The following CNIH3 variants were observed in gnomAD, a reference collection of about 807,000 sequenced individuals.
CNIH3 encodes the protein protein cornichon homolog 3.
In CNIH3, 14 loss-of-function variants were observed where a neutral mutation model predicts 24.1. The observed-to-expected ratio is 0.58, with a 90% CI of 0.38 to 0.91. The LOEUF (loss-of-function observed/expected upper bound fraction) is 0.91, where lower values mean the gene tolerates loss of function less well. Ranked by LOEUF, CNIH3 falls within the 40% of genes least tolerant of loss-of-function variation. The pLI, the probability that CNIH3 is intolerant of heterozygous loss-of-function variation, is 0.00. For missense variants in CNIH3, 178 were observed against 196.8 expected (o/e 0.90, Z 0.57); for synonymous variants, 68 against 73.8 (o/e 0.92, Z 0.40).
intron 1 of CNIH3, among the ~76,000 whole-genome samples, chr1:224,471,897 C>A (rs1293898023): frequency 6.6e-6 from 1 of 151,922 alleles, no homozygotes; most frequent in Non-Finnish European, 1.5e-5. Context: ...GCCTCTCATT[C>A]TTTTTTTTAT....
intron 3 of CNIH3, among the ~76,000 whole-genome samples, chr1:224,549,655 C>A (rs1349929949): frequency 6.6e-6 from 1 of 151,848 alleles, no homozygotes; most frequent in East Asian, 1.9e-4. Context: ...ATAGAAATAC[C>A]AGAGCGATGA....
intron 4 of CNIH3, among the ~76,000 whole-genome samples, chr1:224,569,585 C>A (rs1320125460): frequency 6.6e-6 from 1 of 152,102 alleles, no homozygotes; most frequent in Admixed American, 6.5e-5. Context: ...CATCTTCATT[C>A]TTGCTAGATT....
chr1:224,580,476 G>A (rs555307381), intron 4 of CNIH3, among the ~76,000 whole-genome samples: 55 of 152,280 alleles, frequency 3.6e-4, no homozygotes, highest in East Asian at 2.1e-3. Context: ...TATTTAAAGC[G>A]GAAAAGTGGG....
chr1:224,618,380 C>T (rs1262273860), intron 1 of CNIH3, among the ~76,000 whole-genome samples: 1 of 152,230 alleles, frequency 6.6e-6, no homozygotes, highest in Non-Finnish European at 1.5e-5. Flanking sequence ...TTCTTGGAGG[C>T]ATGGTTCTGG....
chr1:224,476,889 T>C (rs1159558034), intron 1 of CNIH3, among the ~76,000 whole-genome samples: 1 of 151,938 alleles, frequency 6.6e-6, no homozygotes, highest in Non-Finnish European at 1.5e-5. Flanking sequence ...TTAGGTGGAG[T>C]GTTTAGGACA....
chr1:224,445,232 T>C (rs1307777365), intron 1 of CNIH3, among the ~76,000 whole-genome samples: 1 of 152,136 alleles, frequency 6.6e-6, no homozygotes, highest in East Asian at 1.9e-4. Flanking sequence ...ATGTTTTCTT[T>C]TGTGAAGTGC....
chr1:224,626,909 C>G (rs1377008337), intron 1 of CNIH3, among the ~76,000 whole-genome samples: 1 of 152,200 alleles, frequency 6.6e-6, no homozygotes, highest in East Asian at 1.9e-4. Context: ...TCATCAGCAA[C>G]TCTGCTCACT....
In CNIH3 at chr1:224,704,990, A is replaced by G. The variant is rs1687701910; in HGVS notation, c.198+20147A>G. Among the ~76,000 whole-genome samples the G allele has an allele frequency of 6.6e-6, 1 of 152,068 alleles. No individual in the cohort carries two copies. On this transcript the variant is annotated intron_variant, in intron 3 of 5. Coordinates refer to ENST00000272133, the MANE Select transcript of CNIH3 (RefSeq NM_152495.2). The surrounding 1 kb of genome is among the most constrained non-coding windows in gnomAD (Gnocchi z 4.2). ...GCTGGGCATGGTGGCAGACTACAGT[A>G]GGCTGTAGTCCCAGCTACTCAGGAG...
intron 2 of CNIH3, among the ~76,000 whole-genome samples, chr1:224,524,111 A>G (rs1678750154): frequency 1.3e-5 from 2 of 152,228 alleles, no homozygotes; most frequent in South Asian, 4.1e-4. Flanking sequence ...GGTCAGCCCA[A>G]GGTAAACCCC....
At chr1:224,443,545 C>T (rs1572248822) in intron 1 of CNIH3, among the ~76,000 whole-genome samples, 1 of 152,064 alleles carries the variant, frequency 6.6e-6, no homozygotes, top group South Asian at 2.1e-4. Flanking sequence ...AGGGAGAATA[C>T]AGGAGCTTCT....
chr1:224,526,808 C>T lies in CNIH3; in HGVS notation n.343+5481C>T, dbSNP rs961506907. ...GAGGCATAGCGATGGCTTCTGCTTC[C>T]GGGGAGGCCTCTAGAAGCTTCCAAT... is the stretch of plus-strand genomic sequence containing the variant. On this transcript the variant is annotated intron_variant and non_coding_transcript_variant, in intron 2 of 2. Coordinates refer to the CNIH3 transcript ENST00000470602. 4.6e-5 allele frequency among the ~76,000 whole-genome samples: 7 copies of T among 152,172 alleles called. No homozygotes were observed. The East Asian group carries it at 7.7e-4, about 17-fold the overall frequency.
At chr1:224,723,853 G>A (rs1249474672) in intron 3 of CNIH3, among the ~76,000 whole-genome samples, 2 of 152,182 alleles carry the variant, frequency 1.3e-5, no homozygotes, top group East Asian at 3.9e-4. Flanking sequence ...AAAGGGTTTT[G>A]AGTCACAGCC....
chr1:224,534,994 A>G (rs539160732), intron 2 of CNIH3, among the ~76,000 whole-genome samples: 6 of 152,330 alleles, frequency 3.9e-5, no homozygotes, highest in African/African-American at 1.4e-4. Flanking sequence ...ATAGACACCT[A>G]CCGGCCTATA....
At chr1:224,513,409 G>T (rs1329216026), upstream of CNIH3, among the ~76,000 whole-genome samples, 1 of 151,432 alleles carries the variant, frequency 6.6e-6, no homozygotes, top group African/African-American at 2.4e-5. Flanking sequence ...CGAACTCCTG[G>T]ACTCAACTGA....
At chr1:224,687,209 G>A (rs1362909736) in intron 3 of CNIH3, among the ~76,000 whole-genome samples, 1 of 152,160 alleles carries the variant, frequency 6.6e-6, no homozygotes, top group Non-Finnish European at 1.5e-5. Context: ...ACTAACTCAA[G>A]GCAGAAATAA....
chr1:224,511,574 A>G (rs1678152537), upstream of CNIH3, among the ~76,000 whole-genome samples: 3 of 152,188 alleles, frequency 2.0e-5, no homozygotes, highest in African/African-American at 7.2e-5. Flanking sequence ...ATTATTTACT[A>G]GGCCAGGTGT....
chr1:224,512,004 C>T (rs1006742465), upstream of CNIH3, among the ~76,000 whole-genome samples: 9 of 151,424 alleles, frequency 5.9e-5, no homozygotes, highest in Non-Finnish European at 8.8e-5. Context: ...GGAGAAACCC[C>T]GTCTCTACTA....
At chr1:224,547,685 A>C (rs991369395) in intron 3 of CNIH3, among the ~76,000 whole-genome samples, 3 of 151,924 alleles carry the variant, frequency 2.0e-5, no homozygotes, top group Admixed American at 2.0e-4. Context: ...GTGGGTGTAC[A>C]CCCCATGATA....
At chr1:224,620,896 A>T (rs981321606) in intron 1 of CNIH3, among the ~76,000 whole-genome samples, 2 of 152,186 alleles carry the variant, frequency 1.3e-5, no homozygotes, top group East Asian at 1.9e-4. Context: ...AGGGTTTTTG[A>T]TGTGAAGTGA....
Sources: gnomAD v4.1 joint callset for allele counts (sites outside exome capture counted in the v4.1 genomes callset) on GRCh38, gnomAD v4.1.1 for gene constraint, Gnocchi (gnomAD v3.1) non-coding constraint, MANE v1.5 for transcripts, NCBI Gene and HGNC (gene_info 2026-07-23, HGNC 2026-07-21) for gene names.